MGRN1: variants seen among roughly 807,000 people sequenced by gnomAD.
MGRN1 encodes mahogunin ring finger 1, also known as E3 ubiquitin-protein ligase MGRN1.
In MGRN1, 29 loss-of-function variants were observed where a neutral mutation model predicts 69.2. The observed-to-expected ratio is 0.42, with a 90% CI of 0.31 to 0.57. The LOEUF (loss-of-function observed/expected upper bound fraction) is 0.57. Ranked by LOEUF, MGRN1 falls within the 20% of genes least tolerant of loss-of-function variation. MGRN1 has a pLI of 0.15. For missense variants in MGRN1, 998 were observed against 796.2 expected, an observed-to-expected ratio of 1.25 and a Z score of -3.05; for synonymous variants, 470 against 344.2, an observed-to-expected ratio of 1.37 and a Z score of -4.04.
At chr16:4,630,808 C>CTTTTTTTT (rs58149708) in intron 1 of MGRN1, among the ~76,000 whole-genome samples, 2 of 109,240 alleles carry the variant, frequency 1.8e-5, no homozygotes, top group African/African-American at 3.2e-5. Context: ...AGAGTTAATT[C>CTTTTTTTT]TTTTTTTTTT....
chr16:4,630,436 A>T (rs1230371551), intron 1 of MGRN1, among the ~76,000 whole-genome samples: 1 of 147,294 alleles, frequency 6.8e-6, no homozygotes, highest in African/African-American at 2.6e-5. Context: ...TTTTTCTAGC[A>T]TTTTGTTGTT....
At chr16:4,678,537 G>A (rs1435889189) in intron 11 of MGRN1, among the ~76,000 whole-genome samples, 2 of 151,396 alleles carry the variant, frequency 1.3e-5, no homozygotes, top group Non-Finnish European at 2.9e-5. Flanking sequence ...GTGGAGAGAC[G>A]GAGAGACAGA....
At chr16:4,655,251 A>G (rs2078506865) in intron 4 of MGRN1, among the ~76,000 whole-genome samples, 1 of 152,168 alleles carries the variant, frequency 6.6e-6, no homozygotes, top group African/African-American at 2.4e-5. Context: ...CCAGTGCTCC[A>G]GCTGTCAGGG....
chr16:4,632,272 C>T (rs1053725955), intron 1 of MGRN1, among the ~76,000 whole-genome samples: 13 of 149,458 alleles, frequency 8.7e-5, no homozygotes, highest in African/African-American at 1.5e-4. Flanking sequence ...CCTCAGCCTC[C>T]GGAAGAGCTG....
chr16:4,648,580 G>C (rs1331342201), intron 1 of MGRN1, among the ~76,000 whole-genome samples: 1 of 109,594 alleles, frequency 9.1e-6, no homozygotes, highest in Admixed American at 8.7e-5. Flanking sequence ...TGGTCACCCG[G>C]GTCCTCCTCC....
In MGRN1 at chr16:4,652,694, G is replaced by A. The variant is rs201331866; in HGVS notation, c.313G>A (p.Asp105Asn). Residue 105 changes from aspartate (D) to asparagine (N), a missense_variant, in exon 4 of 17, where the codon GAC becomes AAC. By Grantham distance (23) the Asp-to-Asn change is conservative. Coordinates refer to ENST00000262370, the MANE Select transcript of MGRN1 (RefSeq NM_015246.4). ...CTGGGGTAGGTACAAAGACGATGCC[G>A]ACAGCCCCACCGAGGACGGCGACAA... ...LRLVRYKDDADSPTEDGDKPR... is the reference protein window; with the variant it reads ...LRLVRYKDDANSPTEDGDKPR... 673 of 1,612,680 alleles carry A rather than the reference G, an allele frequency of 4.2e-4. No individual in the cohort carries two copies. Among genetic ancestry groups the A allele is most frequent in the Non-Finnish European group, 5.2e-4 (614 of 1,179,434 alleles).
intron 4 of MGRN1, among the ~76,000 whole-genome samples, chr16:4,655,770 A>G (rs1184819055): frequency 6.6e-6 from 1 of 152,204 alleles, no homozygotes; most frequent in Non-Finnish European, 1.5e-5. Context: ...GACACCATCC[A>G]GCCTGCCAGT....
chr16:4,665,129 T>G lies in MGRN1; in HGVS notation c.656T>G (p.Val219Gly). 6.2e-7 allele frequency: 1 copy of G among 1,614,210 alleles called. No homozygotes were observed. The highest frequency in any genetic ancestry group is 8.5e-7 in the Non-Finnish European group (1 of 1,180,024). Residue 219 changes from valine to glycine, a missense_variant, in exon 7 of 17, where the codon GTG (valine) becomes GGG (glycine). Transcript: ENST00000262370. Reference protein sequence around the residue: ...DVVEVTGHAHVLLAAFEKHMD... With the variant: ...DVVEVTGHAHGLLAAFEKHMD... ...GTGGAAGTGACTGGCCACGCCCACGTGCTCTTGGCTGCCTTTGAAAAGGTA... is the reference window on the plus strand; with the variant it reads ...GTGGAAGTGACTGGCCACGCCCACGGGCTCTTGGCTGCCTTTGAAAAGGTA...
intron 4 of MGRN1, among the ~76,000 whole-genome samples, chr16:4,655,438 C>T (rs2078513208): frequency 6.6e-6 from 1 of 152,130 alleles, no homozygotes; most frequent in Admixed American, 6.5e-5. Flanking sequence ...GGCACAAGGC[C>T]AGCTTCCCCT....
At chr16:4,628,013 G>T (rs1464883897) in intron 1 of MGRN1, among the ~76,000 whole-genome samples, 2 of 147,742 alleles carry the variant, frequency 1.4e-5, no homozygotes, top group African/African-American at 5.1e-5. Context: ...CCAGGAGGCG[G>T]AGGTTGCAGT....
intron 7 of MGRN1, among the ~76,000 whole-genome samples, chr16:4,666,169 C>G (rs561679076): frequency 1.3e-5 from 2 of 152,010 alleles, no homozygotes; most frequent in Non-Finnish European, 1.5e-5. Context: ...GCTCTGTTGC[C>G]CAGGCTAGAG....
At chr16:4,672,417 A>C in intron 9 of MGRN1, 1 of 456,720 alleles carries the variant, frequency 2.2e-6, no homozygotes, top group East Asian at 6.9e-5. Context: ...GGAAAGTCTC[A>C]CAGGCCCGCT....
chr16:4,660,076 G>A (rs2141907655), intron 5 of MGRN1, among the ~76,000 whole-genome samples: 1 of 152,376 alleles, frequency 6.6e-6, no homozygotes, highest in East Asian at 1.9e-4. Context: ...TGCTGGGCCA[G>A]GCATGGCTTA....
At chr16:4,664,901 G>C in intron 6 of MGRN1, 126 bp downstream of exon 6, 2 of 1,357,990 alleles carry the variant, frequency 1.5e-6, no homozygotes, top group Non-Finnish European at 2.1e-6. Flanking sequence ...TTCCCACAGG[G>C]CAGGGTGTGA....
chr16:4,667,685 C>T lies in MGRN1; in HGVS notation c.679-580C>T, dbSNP rs746966676. On this transcript the variant is annotated intron_variant, in intron 7 of 16. Transcript: ENST00000262370. ...GGGATAATGAGTGTTGTTGCGAGGT[C>T]TCCGATCTCAAGCCGTAATTAACCT... Among the ~76,000 whole-genome samples the T allele has an allele frequency of 7.4e-4, 113 of 152,298 alleles. 1 individual carries two copies. Among genetic ancestry groups the T allele is most frequent in the South Asian group, 5.0e-3 (24 of 4,824 alleles).
intron 5 of MGRN1, among the ~76,000 whole-genome samples, chr16:4,663,729 A>G (rs1482331232): frequency 6.6e-6 from 1 of 152,144 alleles, no homozygotes; most frequent in Admixed American, 6.6e-5. Flanking sequence ...TGAGGCCCAG[A>G]GAAGGACGTG....
At chr16:4,674,347 G>A (rs1018044901) in intron 10 of MGRN1, among the ~76,000 whole-genome samples, 1 of 151,728 alleles carries the variant, frequency 6.6e-6, no homozygotes, top group Non-Finnish European at 1.5e-5. Flanking sequence ...GGAGTGCAGT[G>A]TTGCAGTCTC....
At chr16:4,687,760 G>T (rs566639664) in intron 16 of MGRN1, 5 of 985,424 alleles carry the variant, frequency 5.1e-6, no homozygotes, top group Non-Finnish European at 6.0e-6. Flanking sequence ...GTGCCTGGCC[G>T]GGGGTGCAGG....
At chr16:4,652,625 C>G (rs2078433938) in intron 3 of MGRN1, 53 bp from the exon 4 acceptor site, 1 of 1,556,562 alleles carries the variant, frequency 6.4e-7, no homozygotes, top group East Asian at 2.3e-5. Flanking sequence ...AGGAGGCAGC[C>G]TCCGCAGATG....
Sources: gnomAD v4.1 joint callset for allele counts (sites outside exome capture counted in the v4.1 genomes callset) on GRCh38, gnomAD v4.1.1 for gene constraint, MANE v1.5 for transcripts, NCBI Gene and HGNC (gene_info 2026-07-23, HGNC 2026-07-21) for gene names.